ASPG: variants seen among roughly 807,000 people sequenced by gnomAD.
ASPG encodes 60 kDa lysophospholipase.
In ASPG, 53 loss-of-function variants were observed where a neutral mutation model predicts 63.2. That is an observed-to-expected ratio of 0.84 (90% CI 0.67 to 1.05). ASPG has a LOEUF of 1.05. ASPG is among the 50% of genes least tolerant of loss of function. The pLI is 0.00. For missense variants in ASPG, 741 were observed against 794.4 expected (o/e 0.93, Z 0.81); for synonymous variants, 370 against 355.0 (o/e 1.04, Z -0.48).
intron 10 of ASPG, among the ~76,000 whole-genome samples, chr14:104,105,805 G>A (rs1003819359): frequency 1.3e-5 from 2 of 152,178 alleles, no homozygotes; most frequent in African/African-American, 4.8e-5. Flanking sequence ...GAGCACCAGG[G>A]GTTCCAGGTG....
rs767420025 is a variant in ASPG at position 104,091,125 on chromosome 14, A to G, written c.83-1508A>G. Among the ~76,000 whole-genome samples the G allele has an allele frequency of 4.0e-5, 6 of 151,840 alleles. No homozygotes were observed. The highest frequency in any genetic ancestry group is 2.0e-4 in the Admixed American group (3 of 15,220). ...AAGCAATCTGACACCTCGGCCACCC[A>G]AAGTGCTGGGATTCCAGGCCTGAGG... On this transcript the variant is annotated intron_variant, in intron 1 of 15. Coordinates refer to ENST00000551177, the MANE Select transcript of ASPG (RefSeq NM_001080464.3). The surrounding 1 kb of genome is among the most constrained non-coding windows in gnomAD (Gnocchi z 6.4).
rs1381943378 is a variant in ASPG at position 104,085,775 on chromosome 14, C to T, written c.5C>T (p.Ala2Val). The change falls in exon 1 of 16, where the codon GCG becomes GTG. Residue 2 changes from alanine to valine, a missense_variant. Physicochemically the swap from Ala to Val is moderately conservative, Grantham distance 64. Coordinates refer to ENST00000551177, the MANE Select transcript of ASPG (RefSeq NM_001080464.3). M[A>V]RAVGPERRLL... ...TCCCGTGGTCCCCGGTCCGGCATGGCGCGCGCGGTGGGGCCCGAGCGGAGG... is the reference window on the plus strand; with the variant it reads ...TCCCGTGGTCCCCGGTCCGGCATGGTGCGCGCGGTGGGGCCCGAGCGGAGG... The T allele has an allele frequency of 1.3e-6, 2 of 1,580,966 alleles. No individual in the cohort carries two copies. The highest frequency in any genetic ancestry group is 4.7e-5 in the East Asian group (2 of 42,424).
rs1350012694 is a variant in ASPG, at chr14:104,107,215, C to T, written c.1303C>T (p.Gln435Ter). The T allele has an allele frequency of 1.3e-6, 2 of 1,596,216 alleles. No homozygotes were observed. Among genetic ancestry groups the T allele is most frequent in the Non-Finnish European group, 1.7e-6 (2 of 1,170,316 alleles). The change falls in exon 12 of 16, where the codon CAA becomes TAA. Residue 435 changes from glutamine (Q) to a stop codon, truncating the protein, a stop_gained. Transcript: ENST00000551177. LOFTEE classifies it high-confidence loss of function. Reference protein sequence around the residue: ...SDLGLVDFNGQTPLHAAARGG... With the variant: ...SDLGLVDFNG Reference sequence around the variant, plus strand: ...CCTGGGCCTGGTGGACTTTAACGGCCAAACCCCACTGCACGCGGCCGCCCG... The same window carrying T: ...CCTGGGCCTGGTGGACTTTAACGGCTAAACCCCACTGCACGCGGCCGCCCG...
At chr14:104,094,103 C>T (rs1345155528) in intron 3 of ASPG, among the ~76,000 whole-genome samples, 4 of 151,918 alleles carry the variant, frequency 2.6e-5, no homozygotes, top group Non-Finnish European at 5.9e-5. Context: ...GCAGGGTCCA[C>T]GTGTCAGAGC....
At chr14:104,106,659 C>T (rs2037142635) in intron 10 of ASPG, 140 bp from the exon 11 acceptor site, 3 of 744,414 alleles carry the variant, frequency 4.0e-6, no homozygotes, top group South Asian at 1.8e-5. Flanking sequence ...TGTGGCAGCT[C>T]AGGTTCCTTC....
chr14:104,107,695 C>T (rs911443947), intron 12 of ASPG, among the ~76,000 whole-genome samples: 31 of 152,208 alleles, frequency 2.0e-4, no homozygotes, highest in Non-Finnish European at 4.4e-5. Flanking sequence ...CAACTCGGGC[C>T]CTGGAGGACA....
At chr14:104,111,071 G>A (rs956246337) in intron 13 of ASPG, 36 of 985,350 alleles carry the variant, frequency 3.7e-5, no homozygotes, top group Middle Eastern at 5.2e-4. Flanking sequence ...CGGGAAGAGC[G>A]GTGTGTTGTG....
chr14:104,106,036 G>A (rs1287461747), intron 10 of ASPG, among the ~76,000 whole-genome samples: 1 of 152,246 alleles, frequency 6.6e-6, no homozygotes, highest in Non-Finnish European at 1.5e-5. Context: ...GTCCTGCCCC[G>A]GCCTCAGTGC....
At chr14:104,093,940 G>A (rs1471473302) in intron 3 of ASPG, among the ~76,000 whole-genome samples, 1 of 150,406 alleles carries the variant, frequency 6.6e-6, no homozygotes, top group African/African-American at 2.4e-5. Flanking sequence ...GGCTATGAGT[G>A]TGGGCGGGGC....
chr14:104,103,969 G>A (rs1056222231), intron 7 of ASPG, among the ~76,000 whole-genome samples: 3 of 152,244 alleles, frequency 2.0e-5, no homozygotes, highest in African/African-American at 7.2e-5. Context: ...GCTGGGAGCC[G>A]CCCCTGCTGT....
At chr14:104,112,099 G>T (rs1025470128) in intron 15 of ASPG, 99 bp downstream of exon 15, 59 of 1,180,780 alleles carry the variant, frequency 5.0e-5, no homozygotes, top group Non-Finnish European at 6.1e-5. Context: ...GAACAGAACC[G>T]GAGGAGGCTG....
At chr14:104,103,318 C>G (rs543343639) in intron 6 of ASPG, among the ~76,000 whole-genome samples, 80 of 152,394 alleles carry the variant, frequency 5.2e-4, no homozygotes, top group African/African-American at 1.9e-3. Flanking sequence ...CGGTCTCTCG[C>G]TGGCCAACGA....
intron 14 of ASPG, 155 bp from the exon 15 acceptor site, chr14:104,111,765 G>A (rs1049041804): frequency 2.1e-6 from 2 of 940,482 alleles, no homozygotes; most frequent in Non-Finnish European, 1.6e-6. Context: ...CCCTTCCCGG[G>A]GCTCTGAGTG....
chr14:104,109,460 C>A lies in ASPG; in HGVS notation c.1520+145C>A. On this transcript the variant is annotated intron_variant, in intron 13 of 15. Coordinates refer to ENST00000551177, the MANE Select transcript of ASPG (RefSeq NM_001080464.3). The surrounding 1 kb of genome is among the most constrained non-coding windows in gnomAD (Gnocchi z 4.8). ...CCCGCTGACCTCAGTGTGCACCAAC[C>A]TGGCTGATGGGAAGAGGTGTCTACC... 2.3e-6 allele frequency: 2 copies of A among 877,554 alleles called. No individual in the cohort carries two copies. The highest frequency in any genetic ancestry group is 3.4e-6 in the Non-Finnish European group (2 of 584,176). 54.4% of individuals were successfully genotyped at this position (877,554 alleles called of 1,614,324 possible).
intron 4 of ASPG, 105 bp downstream of exon 4, chr14:104,095,761 C>T: frequency 1.4e-6 from 2 of 1,446,956 alleles, no homozygotes; most frequent in East Asian, 2.4e-5. Context: ...TCCTGCTCAG[C>T]CCAGCAGCTC....
intron 2 of ASPG, 63 bp from the exon 3 acceptor site, chr14:104,093,428 A>C: frequency 7.0e-7 from 1 of 1,421,472 alleles, no homozygotes; most frequent in Non-Finnish European, 9.9e-7. Context: ...CAGGGCATTT[A>C]GAGCAGGAGG....
At chr14:104,107,635 C>T (rs181071701) in intron 12 of ASPG, among the ~76,000 whole-genome samples, 38 of 152,270 alleles carry the variant, frequency 2.5e-4, no homozygotes, top group African/African-American at 8.4e-4. Flanking sequence ...CAGCCAGACG[C>T]GGTCAATAAA....
In ASPG at chr14:104,109,374, C is replaced by T. The variant is rs1021063588; in HGVS notation, c.1520+59C>T. The T allele has an allele frequency of 1.6e-5, 24 of 1,516,602 alleles. No homozygotes were observed. Among genetic ancestry groups the T allele is most frequent in the African/African-American group, 6.8e-5 (5 of 73,128 alleles). The allele number at this position is 1,516,602 out of a possible 1,614,324, so 93.9% of individuals were successfully genotyped here. A position where few individuals can be genotyped will look rare whatever the true frequency, so the allele number is the denominator to read the frequency against. ...ATGTGGGGGACACAGCTTGGGGAAGCGAAGCCAGACCTGCTGGGAGGGACA... is the reference window on the plus strand; with the variant it reads ...ATGTGGGGGACACAGCTTGGGGAAGTGAAGCCAGACCTGCTGGGAGGGACA... On this transcript the variant is annotated intron_variant, in intron 13 of 15. Transcript: ENST00000551177. This position sits in a 1 kb window ranked among gnomAD's most constrained non-coding sequence, Gnocchi z 4.8.
In ASPG at chr14:104,104,298, C is replaced by G; in HGVS notation, c.754-6C>G. On this transcript the variant is annotated splice_polypyrimidine_tract_variant and splice_region_variant and intron_variant, in intron 7 of 15. Transcript: ENST00000551177. ...ACCATCCAGCCCCCACCCCACCGCC[C>G]CACAGGTTCGGGCCTTCTTGCAGCC... 1 of 1,609,004 alleles carries G rather than the reference C, an allele frequency of 6.2e-7. No individual in the cohort carries two copies. The highest frequency in any genetic ancestry group is 8.5e-7 in the Non-Finnish European group (1 of 1,177,380).
Sources: gnomAD v4.1 joint callset for allele counts (sites outside exome capture counted in the v4.1 genomes callset) on GRCh38, gnomAD v4.1.1 for gene constraint, Gnocchi (gnomAD v3.1) non-coding constraint, MANE v1.5 for transcripts, NCBI Gene and HGNC (gene_info 2026-07-23, HGNC 2026-07-21) for gene names.